Variants in TNRC18 observed in about 807,000 individuals in gnomAD.
TNRC18 encodes trinucleotide repeat containing 18.
Under a neutral mutation model 226.7 loss-of-function variants are expected in TNRC18, and 69 were observed. The observed-to-expected ratio is 0.30, with a 90% confidence interval of 0.25 to 0.37. The LOEUF (loss-of-function observed/expected upper bound fraction) is 0.37, where lower values mean the gene tolerates loss of function less well. Ranked by LOEUF, TNRC18 falls within the 10% of genes least tolerant of loss-of-function variation. The pLI is 1.00. For synonymous variants in TNRC18, 2,449 were observed against 1,927.6 expected, an observed-to-expected ratio of 1.27 and a Z score of -7.09; for missense variants, 4,754 against 4,256.6, an observed-to-expected ratio of 1.12 and a Z score of -3.25.
chr7:5,359,425 A>T lies in TNRC18; in HGVS notation c.4806T>A (p.His1602Gln). 6.2e-7 allele frequency: 1 copy of T among 1,613,986 alleles called. No homozygotes were observed. Among genetic ancestry groups the T allele is most frequent in the Non-Finnish European group, 8.5e-7 (1 of 1,179,890 alleles). The change falls in exon 15 of 30, where the codon CAT becomes CAA. Residue 1602 changes from histidine (H) to glutamine (Q), a missense_variant. Transcript: ENST00000430969. ...GACTGATGAAGTCCGACGAGGCCTC[A>T]TGTTCATCCCAAGTCTGGTTCCTCC... ...ARGRNQTWDE[H>Q]EASSDFISQL...
rs1415429415 is a variant in TNRC18, at chr7:5,359,535, A to C, written c.4696T>G (p.Tyr1566Asp). 6.2e-7 allele frequency: 1 copy of C among 1,613,918 alleles called. No homozygotes were observed. Among genetic ancestry groups the C allele is most frequent in the African/African-American group, 1.3e-5 (1 of 75,024 alleles). ...SSKSLLTSDD[Y>D]ELGAGIRKRH... ...TTTCTTATCCCTGCTCCCAGCTCATAATCATCTGATGTCAGCAGAGACTTG... is the reference window on the plus strand; with the variant it reads ...TTTCTTATCCCTGCTCCCAGCTCATCATCATCTGATGTCAGCAGAGACTTG... Residue 1566 changes from tyrosine to aspartate, a missense_variant, in exon 15 of 30, where the codon TAT (tyrosine) becomes GAT (aspartate). Tyr to Asp is a radical substitution (Grantham distance 160). Transcript: ENST00000430969.
At position 5,321,308 on chromosome 7, in the gene TNRC18, T is replaced by C. The variant is rs1401709150; in HGVS notation, c.6443-118A>G. 3 of 698,086 alleles carry C rather than the reference T, an allele frequency of 4.3e-6. No individual in the cohort carries two copies. In the South Asian group the frequency reaches 5.3e-5, roughly 12 times the overall value. 43.2% of individuals were successfully genotyped at this position (698,086 alleles called of 1,614,324 possible). ...TGGAGGCCCTGGTACCGGGTGGGCC[T>C]GTGGGGCTGAGACGTGTGCACTTCT... is the stretch of plus-strand genomic sequence containing the variant. On this transcript the variant is annotated intron_variant, in intron 21 of 29. Transcript: ENST00000430969.
chr7:5,320,464 G>GT, intron 23 of TNRC18, 38 bp from the exon 24 acceptor site: 1 of 1,565,294 alleles, frequency 6.4e-7, no homozygotes, highest in South Asian at 1.2e-5. Context: ...TGTGGACACA[G>GT]TTATGGCCAT....
chr7:5,338,334 C>T (rs987786200), intron 18 of TNRC18, among the ~76,000 whole-genome samples: 17 of 152,050 alleles, frequency 1.1e-4, no homozygotes, highest in African/African-American at 2.9e-4. Flanking sequence ...AGGCAAAGCA[C>T]GAAAAAGGTA....
rs200720864 is a variant in TNRC18, at chr7:5,327,374, T to TGC, written c.6148-2127_6148-2126insGC. Among the ~76,000 whole-genome samples, 80 of 22,288 alleles carry TGC rather than the reference T, an allele frequency of 3.6e-3. 1 individual carries two copies. The highest frequency in any genetic ancestry group is 0.011 in the African/African-American group (71 of 6,414). The allele number at this position is 22,288 out of a possible 152,430, so 14.6% of individuals were successfully genotyped here. A position where few individuals can be genotyped will look rare whatever the true frequency, so the allele number is the denominator to read the frequency against. Reference sequence around the variant, plus strand: ...AAATATATATGTGTGTGTTTGTGCGTGTGTGTGTGTGTGTGTGTGTGTGTG... The same window carrying TGC: ...AAATATATATGTGTGTGTTTGTGCGTGCGTGTGTGTGTGTGTGTGTGTGTGTG... On this transcript the variant is annotated intron_variant, in intron 19 of 29. Coordinates refer to ENST00000430969, the MANE Select transcript of TNRC18 (RefSeq NM_001080495.3).
chr7:5,341,175 G>A (rs1790645402), intron 18 of TNRC18, among the ~76,000 whole-genome samples: 1 of 151,854 alleles, frequency 6.6e-6, no homozygotes, highest in East Asian at 1.9e-4. Context: ...ACTTTGGGAG[G>A]CTGAGGCAGG....
chr7:5,325,154 G>T lies in TNRC18; in HGVS notation c.6242C>A (p.Ser2081Tyr). Residue 2081 changes from serine (S) to tyrosine (Y), a missense_variant, in exon 20 of 30, where the codon TCC becomes TAC. Physicochemically the swap from Ser to Tyr is moderately radical, Grantham distance 144 (BLOSUM62 -2). Coordinates refer to ENST00000430969, the MANE Select transcript of TNRC18 (RefSeq NM_001080495.3). ...TTTGCTCCTTTTGGCAGCGGTCAGG[G>T]AGCTGGCGTGAGGAGCCCTGGCCTC... ...PSEARAPHASSLTAAKRSKAK... is the reference protein window; with the variant it reads ...PSEARAPHASYLTAAKRSKAK... 2 of 1,551,826 alleles carry T rather than the reference G, an allele frequency of 1.3e-6. No individual in the cohort carries two copies. The highest frequency in any genetic ancestry group is 1.7e-6 in the Non-Finnish European group (2 of 1,147,850).
At chr7:5,398,618 CTCTTT>C (rs776140376) in intron 2 of TNRC18, among the ~76,000 whole-genome samples, 1 of 149,468 alleles carries the variant, frequency 6.7e-6, no homozygotes, top group Non-Finnish European at 1.5e-5. Flanking sequence ...CGTGCCCGGC[CTCTTT>C]TCTTTTTTTT....
At chr7:5,410,991 AG>A (rs1446559929) in intron 2 of TNRC18, among the ~76,000 whole-genome samples, 1 of 151,768 alleles carries the variant, frequency 6.6e-6, no homozygotes, top group Admixed American at 6.6e-5. Context: ...GGATCACTTG[AG>A]GTCAGGAGTT....
At chr7:5,416,211 G>A (rs996364668) in intron 2 of TNRC18, among the ~76,000 whole-genome samples, 1 of 150,998 alleles carries the variant, frequency 6.6e-6, no homozygotes, top group African/African-American at 2.4e-5. Flanking sequence ...TCAGGAGATC[G>A]AGATCATCCC....
Position 5,307,639 on chromosome 7 carries a change from G to A in TNRC18, c.*467C>T, listed in dbSNP as rs747532933. 4.4e-4 allele frequency: 178 copies of A among 402,896 alleles called. 1 individual carries two copies. Among genetic ancestry groups the A allele is most frequent in the African/African-American group, 1.6e-3 (75 of 48,318 alleles). The allele number at this position is 402,896 out of a possible 1,614,324, so 25.0% of individuals were successfully genotyped here. On this transcript the variant is annotated 3_prime_UTR_variant, in exon 30 of 30. Transcript: ENST00000430969. Reference sequence around the variant, plus strand: ...CATCGGGCTGCCCTGTCCCATGCACGGTGGGAGGCCTTGGGGTGGGCTCCA... The same window carrying A: ...CATCGGGCTGCCCTGTCCCATGCACAGTGGGAGGCCTTGGGGTGGGCTCCA...
In TNRC18 at chr7:5,307,826, C is replaced by T. The variant is rs1342635921; in HGVS notation, c.*280G>A. The T allele has an allele frequency of 4.0e-6, 2 of 494,918 alleles. No homozygotes were observed. Among genetic ancestry groups the T allele is most frequent in the African/African-American group, 1.9e-5 (1 of 51,466 alleles). 30.7% of individuals were successfully genotyped at this position (494,918 alleles called of 1,614,324 possible). ...GGCCAAGTGCTTGCAACGTGCTGGG[C>T]AGGAAGGGCCGGTCCGGCCATACCC... On this transcript the variant is annotated 3_prime_UTR_variant, in exon 30 of 30. Transcript: ENST00000430969.
chr7:5,423,061 C>T (rs993246054), intron 1 of TNRC18: 1 of 152,284 alleles, frequency 6.6e-6, no homozygotes, highest in Admixed American at 6.5e-5. Flanking sequence ...ACTTTTCTCC[C>T]CCTCTTAAAT....
intron 24 of TNRC18, among the ~76,000 whole-genome samples, chr7:5,319,793 A>G (rs1334912670): frequency 6.6e-6 from 1 of 152,158 alleles, no homozygotes; most frequent in Non-Finnish European, 1.5e-5. Context: ...TACAGGCATG[A>G]GCCACCACAT....
chr7:5,314,141 A>ATT (rs545101418), intron 26 of TNRC18, among the ~76,000 whole-genome samples: 2 of 146,202 alleles, frequency 1.4e-5, no homozygotes, highest in Non-Finnish European at 1.5e-5. Context: ...TTGTATTATT[A>ATT]TTTTTTTTTT....
chr7:5,332,878 G>T lies in TNRC18; in HGVS notation c.5891C>A (p.Ala1964Glu). Residue 1964 changes from alanine (A) to glutamate (E), a missense_variant, in exon 19 of 30, where the codon GCG (alanine) becomes GAG (glutamate). By Grantham distance (107) the Ala-to-Glu change is moderately radical. Coordinates refer to ENST00000430969, the MANE Select transcript of TNRC18 (RefSeq NM_001080495.3). ...DPSSPDKAKLAVEKGRKARKL... is the reference protein window; with the variant it reads ...DPSSPDKAKLEVEKGRKARKL... Reference sequence around the variant, plus strand: ...CCGGGCCTTGCGCCCCTTCTCCACCGCCAGCTTGGCCTTGTCTGGGCTGCT... The same window carrying T: ...CCGGGCCTTGCGCCCCTTCTCCACCTCCAGCTTGGCCTTGTCTGGGCTGCT... The T allele has an allele frequency of 6.6e-7, 1 of 1,516,884 alleles. No homozygotes were observed. Among genetic ancestry groups the T allele is most frequent in the Admixed American group, 2.2e-5 (1 of 46,506 alleles). The allele number at this position is 1,516,884 out of a possible 1,614,324, so 94.0% of individuals were successfully genotyped here. A position where few individuals can be genotyped will look rare whatever the true frequency, so the allele number is the denominator to read the frequency against.
chr7:5,345,864 C>T (rs567151825), intron 17 of TNRC18, 54 bp from the exon 18 acceptor site: 1 of 1,492,550 alleles, frequency 6.7e-7, no homozygotes, highest in Non-Finnish European at 8.9e-7. Flanking sequence ...GCGAGGGCCA[C>T]CCCCCACCGC....
chr7:5,406,863 G>A (rs1276405415), intron 2 of TNRC18, among the ~76,000 whole-genome samples: 2 of 143,358 alleles, frequency 1.4e-5, no homozygotes, highest in African/African-American at 2.8e-5. Context: ...AAAAAAAAAA[G>A]AAAGAAAGAA....
intron 18 of TNRC18, among the ~76,000 whole-genome samples, chr7:5,335,778 G>A (rs75188062): frequency 0.011 from 1,633 of 148,600 alleles, 32 homozygotes; most frequent in African/African-American, 0.039. Flanking sequence ...CTAAGAAACT[G>A]GACTTCAAGT....
Sources: allele counts gnomAD v4.1 joint callset (sites outside exome capture counted in the v4.1 genomes callset), GRCh38; gene constraint gnomAD v4.1.1; transcripts MANE v1.5; gene names NCBI Gene and HGNC (gene_info 2026-07-23, HGNC 2026-07-21).